FAP: variants seen among roughly 807,000 people sequenced by gnomAD.
The protein encoded by FAP is fibroblast activation protein alpha.
Under a neutral mutation model 126.5 loss-of-function variants are expected in FAP, and 110 were observed. The observed-to-expected ratio is 0.87, with a 90% CI of 0.74 to 1.02. FAP has a LOEUF of 1.02. Among genes scored for constraint, FAP ranks in the 50% least tolerant of loss-of-function variants. The pLI is 0.00. For synonymous variants in FAP, 334 were observed against 297.3 expected (o/e 1.12, Z -1.27); for missense variants, 919 against 909.2 (o/e 1.01, Z -0.14).
chr2:162,187,053 A>C (rs745768947), intron 20 of FAP, among the ~76,000 whole-genome samples: 71 of 151,976 alleles, frequency 4.7e-4, no homozygotes, highest in Non-Finnish European at 8.4e-4. Context: ...TTTTAATTGA[A>C]CATTTTGTTT....
chr2:162,223,541 C>A, intron 6 of FAP, 67 bp downstream of exon 6: 1 of 1,029,810 alleles, frequency 9.7e-7, no homozygotes, highest in South Asian at 1.3e-5. Flanking sequence ...AACCCCAAAT[C>A]ATAGTTTGGA....
intron 12 of FAP, among the ~76,000 whole-genome samples, chr2:162,207,082 G>A (rs1432764604): frequency 6.6e-6 from 1 of 152,110 alleles, no homozygotes; most frequent in Admixed American, 6.5e-5. Flanking sequence ...TTGAATGAAT[G>A]TCTGAAATAC....
intron 11 of FAP, among the ~76,000 whole-genome samples, chr2:162,211,959 C>A (rs1315529629): frequency 6.6e-6 from 1 of 152,148 alleles, no homozygotes; most frequent in South Asian, 2.1e-4. Context: ...CTGGGAAATT[C>A]GACACTGTTG....
intron 12 of FAP, among the ~76,000 whole-genome samples, chr2:162,208,565 G>A (rs1329681390): frequency 6.6e-6 from 1 of 152,094 alleles, no homozygotes; most frequent in African/African-American, 2.4e-5. Flanking sequence ...TCATCTTGGA[G>A]AACATGACTA....
At chr2:162,234,312 T>A (rs1173604886) in intron 2 of FAP, among the ~76,000 whole-genome samples, 1 of 152,218 alleles carries the variant, frequency 6.6e-6, no homozygotes, top group Non-Finnish European at 1.5e-5. Flanking sequence ...TATTGCCATC[T>A]TAAAAATATT....
At chr2:162,209,174 T>C (rs1003849383) in intron 12 of FAP, among the ~76,000 whole-genome samples, 3 of 152,146 alleles carry the variant, frequency 2.0e-5, no homozygotes, top group Non-Finnish European at 2.9e-5. Context: ...AACCAGGTCC[T>C]AAGAGTTTCC....
intron 21 of FAP, among the ~76,000 whole-genome samples, chr2:162,178,459 A>C (rs1687564353): frequency 6.6e-6 from 1 of 152,120 alleles, no homozygotes; most frequent in Non-Finnish European, 1.5e-5. Context: ...TACCCACTAG[A>C]TGCCAGTAGC....
chr2:162,214,040 A>G lies in FAP; in HGVS notation c.900T>C (p.Thr300=). Residue 300 remains threonine, a synonymous_variant, in exon 11 of 26, where the codon ACT becomes ACC. Coordinates refer to ENST00000188790, the MANE Select transcript of FAP (RefSeq NM_004460.5). The part of the protein sequence containing the change: ...DYYFSWLTWV[T]DERVCLQWLK... ...GCCACTGCAAACATACTCGTTCATCAGTAACCCACGTGAGCCAACTGAAAT... is the reference window on the plus strand; with the variant it reads ...GCCACTGCAAACATACTCGTTCATCGGTAACCCACGTGAGCCAACTGAAAT... 4 of 1,614,128 alleles carry G rather than the reference A, an allele frequency of 2.5e-6. No individual in the cohort carries two copies. The highest frequency in any genetic ancestry group is 3.4e-6 in the Non-Finnish European group (4 of 1,179,998).
At chr2:162,191,157 A>C (rs1688026983) in intron 17 of FAP, among the ~76,000 whole-genome samples, 1 of 152,080 alleles carries the variant, frequency 6.6e-6, no homozygotes, top group African/African-American at 2.4e-5. Flanking sequence ...TTGACTGATT[A>C]CTATTTGTAT....
chr2:162,224,227 T>C (rs935472214), intron 5 of FAP, among the ~76,000 whole-genome samples: 1 of 152,178 alleles, frequency 6.6e-6, no homozygotes, highest in African/African-American at 2.4e-5. Context: ...TTAAGTATGT[T>C]TGTGCTGTTG....
In FAP at chr2:162,218,051, C is replaced by A; in HGVS notation, c.697G>T (p.Val233Phe). ...TCGCCATAATAGGAATAGGCAATAA[C>A]TGGTATATCCGTATCATTAAATTCC... ...YAEFNDTDIP[V>F]IAYSYYGDEQ... The change falls in exon 9 of 26, where the codon GTT (valine) becomes TTT (phenylalanine). Residue 233 changes from valine (V) to phenylalanine (F), a missense_variant. Transcript: ENST00000188790. 1 of 1,605,586 alleles carries A rather than the reference C, an allele frequency of 6.2e-7. No individual in the cohort carries two copies.
intron 16 of FAP, among the ~76,000 whole-genome samples, chr2:162,197,993 T>C (rs1427694131): frequency 6.6e-6 from 1 of 152,190 alleles, no homozygotes; most frequent in African/African-American, 2.4e-5. Flanking sequence ...CATTGATCTA[T>C]ATTGGCCTCT....
At chr2:162,210,841 A>AT (rs1411823400) in intron 11 of FAP, among the ~76,000 whole-genome samples, 6 of 152,220 alleles carry the variant, frequency 3.9e-5, no homozygotes, top group Non-Finnish European at 8.8e-5. Flanking sequence ...AGCTCATGGC[A>AT]GTGAGAATAG....
chr2:162,194,605 G>T (rs1374262629), intron 17 of FAP, 96 bp downstream of exon 17: 2 of 1,031,782 alleles, frequency 1.9e-6, no homozygotes, highest in Middle Eastern at 2.0e-4. Flanking sequence ...AGTTCCCCTT[G>T]GTGGTGTGGA....
intron 11 of FAP, among the ~76,000 whole-genome samples, chr2:162,210,765 G>A (rs1688898429): frequency 6.6e-6 from 1 of 152,124 alleles, no homozygotes; most frequent in Non-Finnish European, 1.5e-5. Context: ...AAGAGGGAAG[G>A]AGGCAGAGAG....
intron 16 of FAP, 143 bp downstream of exon 16, chr2:162,198,614 A>AT (rs1192410840): frequency 3.8e-5 from 42 of 1,096,006 alleles, no homozygotes; most frequent in South Asian, 9.9e-5. Flanking sequence ...TCCTCCTTTA[A>AT]TTTTTTTTCT....
chr2:162,183,553 A>G (rs1687764547), intron 20 of FAP, 85 bp from the exon 21 acceptor site: 1 of 785,234 alleles, frequency 1.3e-6, no homozygotes, highest in South Asian at 1.6e-5. Flanking sequence ...TAATCCAAAG[A>G]TTTAATAGAA....
intron 15 of FAP, among the ~76,000 whole-genome samples, 188 bp from the exon 16 acceptor site, chr2:162,199,069 G>T (rs1469407654): frequency 6.6e-6 from 1 of 152,132 alleles, no homozygotes; most frequent in African/African-American, 2.4e-5. Context: ...ATCCATCTTT[G>T]CCTTAATAGG....
intron 2 of FAP, among the ~76,000 whole-genome samples, chr2:162,235,869 C>G (rs1201728979): frequency 6.6e-6 from 1 of 152,138 alleles, no homozygotes; most frequent in African/African-American, 2.4e-5. Context: ...ACTCCTGAAG[C>G]CAGCAAGACC....
Sources: gnomAD v4.1 joint callset for allele counts (sites outside exome capture counted in the v4.1 genomes callset) on GRCh38, gnomAD v4.1.1 for gene constraint, MANE v1.5 for transcripts, NCBI Gene and HGNC (gene_info 2026-07-23, HGNC 2026-07-21) for gene names.